Variants in MYLK observed in about 807,000 individuals in gnomAD.
MYLK encodes the protein myosin light chain kinase, also known as myosin light chain kinase, smooth muscle.
MYLK carries 106 observed loss-of-function variants against 203.4 expected under a neutral mutation model. The observed-to-expected ratio is 0.52, with a 90% CI of 0.45 to 0.61. MYLK has a LOEUF of 0.61. Among genes scored for constraint, MYLK ranks in the 20% least tolerant of loss-of-function variants. MYLK has a pLI of 0.00. For missense variants in MYLK, 2,072 were observed against 2,442.3 expected, an observed-to-expected ratio of 0.85 and a Z score of 3.20; for synonymous variants, 867 against 959.5, an observed-to-expected ratio of 0.90 and a Z score of 1.78.
In MYLK at chr3:123,640,236, C is replaced by T. The variant is rs371201284; in HGVS notation, c.4837+51G>A. The T allele has an allele frequency of 3.3e-5, 51 of 1,523,754 alleles. No individual in the cohort carries two copies. The highest frequency in any genetic ancestry group is 6.8e-5 in the East Asian group (3 of 44,388). The allele number at this position is 1,523,754 out of a possible 1,614,324, so 94.4% of individuals were successfully genotyped here. ...CTCTCACACTCAGTGTGAGAGGAAA[C>T]GGCCAGTGCAATACACACTGGTGTC... On this transcript the variant is annotated intron_variant, in intron 28 of 33. Transcript: ENST00000360304. This position sits in a 1 kb window ranked among gnomAD's most constrained non-coding sequence, Gnocchi z 4.3.
chr3:123,741,909 G>A (rs925992994), intron 5 of MYLK, among the ~76,000 whole-genome samples: 1 of 152,068 alleles, frequency 6.6e-6, no homozygotes, highest in Non-Finnish European at 1.5e-5. Flanking sequence ...GATCCTCTCC[G>A]CTCCACTGGG....
chr3:123,633,648 A>G (rs1187864232), intron 29 of MYLK, among the ~76,000 whole-genome samples: 1 of 152,186 alleles, frequency 6.6e-6, no homozygotes. Context: ...TTAGTGGTCA[A>G]ATATTAGTCT....
intron 19 of MYLK, among the ~76,000 whole-genome samples, chr3:123,688,504 C>T (rs2060544545): frequency 6.6e-6 from 1 of 152,176 alleles, no homozygotes; most frequent in Non-Finnish European, 1.5e-5. Flanking sequence ...ATTGTGCTCC[C>T]TGCTTTCCCT....
chr3:123,848,503 T>G (rs1315556213), intron 2 of MYLK, among the ~76,000 whole-genome samples: 1 of 152,008 alleles, frequency 6.6e-6, no homozygotes, highest in Non-Finnish European at 1.5e-5. Context: ...CAATACACCA[T>G]GCTAAAATAA....
At chr3:123,743,889 A>C (rs969041257) in intron 5 of MYLK, among the ~76,000 whole-genome samples, 21 of 152,224 alleles carry the variant, frequency 1.4e-4, no homozygotes, top group Non-Finnish European at 2.8e-4. Flanking sequence ...TATCATCCAA[A>C]CAGAGACTCT....
At chr3:123,684,456 GC>G (rs1433609768) in intron 19 of MYLK, among the ~76,000 whole-genome samples, 2 of 152,148 alleles carry the variant, frequency 1.3e-5, no homozygotes, top group Non-Finnish European at 2.9e-5. Flanking sequence ...CCTTGTCCGG[GC>G]CTCTCCCTTC....
At chr3:123,668,119 C>T (rs908839071) in intron 20 of MYLK, among the ~76,000 whole-genome samples, 1 of 152,180 alleles carries the variant, frequency 6.6e-6, no homozygotes, top group Admixed American at 6.5e-5. Context: ...AGTGCACGTG[C>T]GAAAACATCT....
chr3:123,668,293 A>T (rs1477155514), intron 20 of MYLK, among the ~76,000 whole-genome samples: 1 of 152,194 alleles, frequency 6.6e-6, no homozygotes, highest in Admixed American at 6.5e-5. Flanking sequence ...AAGGTATCCA[A>T]ATGGATGAAC....
intron 19 of MYLK, among the ~76,000 whole-genome samples, chr3:123,686,011 C>A (rs559582171): frequency 2.6e-5 from 4 of 152,192 alleles, no homozygotes; most frequent in East Asian, 1.9e-4. Context: ...GCCAGGGATG[C>A]GGAGCCAGCA....
chr3:123,694,818 C>A (rs2060844342), intron 18 of MYLK, among the ~76,000 whole-genome samples: 1 of 152,188 alleles, frequency 6.6e-6, no homozygotes, highest in Non-Finnish European at 1.5e-5. Context: ...GGGGAGGCCC[C>A]CCTAGCAGGC....
intron 2 of MYLK, among the ~76,000 whole-genome samples, chr3:123,842,630 CA>C (rs2066621537): frequency 1.3e-5 from 2 of 152,098 alleles, no homozygotes; most frequent in Non-Finnish European, 2.9e-5. Context: ...TAGTCAATAA[CA>C]AAAAACAAGA....
chr3:123,653,986 T>TTTTG (rs3222126), intron 24 of MYLK, among the ~76,000 whole-genome samples: 1 of 137,650 alleles, frequency 7.3e-6, no homozygotes, highest in African/African-American at 2.7e-5. Flanking sequence ...CAGAGGGATG[T>TTTTG]TGTGTGTGTG....
At position 123,723,491 on chromosome 3, in the gene MYLK, A is replaced by C. The variant is rs187962883; in HGVS notation, c.1652-1211T>G. On this transcript the variant is annotated intron_variant, in intron 12 of 33. Transcript: ENST00000360304. Reference sequence around the variant, plus strand: ...ACCCTCCAAACCTCTCTTCCTTGACAATACCAGTGTATTCCCTGACTGCCG... The same window carrying C: ...ACCCTCCAAACCTCTCTTCCTTGACCATACCAGTGTATTCCCTGACTGCCG... 2.6e-5 allele frequency among the ~76,000 whole-genome samples: 4 copies of C among 152,340 alleles called. No individual in the cohort carries two copies. In the East Asian group the frequency reaches 7.7e-4, roughly 29 times the overall value.
intron 23 of MYLK, 131 bp from the exon 24 acceptor site, chr3:123,657,559 T>C (rs2059427501): frequency 2.4e-6 from 2 of 843,176 alleles, no homozygotes; most frequent in Non-Finnish European, 3.8e-6. Flanking sequence ...CCTGCGTCTC[T>C]TTCCCTCATC....
intron 4 of MYLK, among the ~76,000 whole-genome samples, chr3:123,783,280 G>A (rs770811181): frequency 6.6e-6 from 1 of 152,160 alleles, no homozygotes; most frequent in African/African-American, 2.4e-5. Context: ...CAAGGAGGCT[G>A]AACCAATAAT....
At chr3:123,759,990 A>T (rs575088640) in intron 4 of MYLK, among the ~76,000 whole-genome samples, 2 of 152,340 alleles carry the variant, frequency 1.3e-5, no homozygotes, top group East Asian at 3.9e-4. Flanking sequence ...TGCAAAAAAA[A>T]GTCCCACCTA....
chr3:123,631,956 G>T (rs1376234279), intron 29 of MYLK, among the ~76,000 whole-genome samples: 1 of 150,842 alleles, frequency 6.6e-6, no homozygotes, highest in African/African-American at 2.4e-5. Flanking sequence ...TGCAAGCTCT[G>T]CCCCCTGGGT....
intron 2 of MYLK, among the ~76,000 whole-genome samples, chr3:123,871,437 C>T (rs532473286): frequency 1.3e-5 from 2 of 152,022 alleles, no homozygotes; most frequent in Admixed American, 6.5e-5. Context: ...GCCAGATTGA[C>T]CAAGAGCAAA....
intron 26 of MYLK, among the ~76,000 whole-genome samples, chr3:123,647,900 A>G (rs983753969): frequency 3.9e-5 from 6 of 152,100 alleles, no homozygotes; most frequent in African/African-American, 1.4e-4. Context: ...ACTTTGGCTG[A>G]TGGCATCTCT....
Sources: allele counts gnomAD v4.1 joint callset (sites outside exome capture counted in the v4.1 genomes callset), GRCh38; gene constraint gnomAD v4.1.1; non-coding constraint Gnocchi (gnomAD v3.1); transcripts MANE v1.5; gene names NCBI Gene and HGNC (gene_info 2026-07-23, HGNC 2026-07-21).